DLEU7: variants seen among roughly 807,000 people sequenced by gnomAD.
The protein encoded by DLEU7 is deleted in lymphocytic leukemia 7.
In DLEU7, 17 loss-of-function variants were observed where a neutral mutation model predicts 16.0. The observed-to-expected ratio is 1.06, with a 90% CI of 0.73 to 1.59. The LOEUF is 1.59. Ranked by LOEUF, DLEU7 falls within the 40% of genes most tolerant of loss-of-function variation. The probability of loss-of-function intolerance (pLI) is 0.00; values close to 1 mark genes in which losing one functional copy is unlikely to be tolerated. For synonymous variants in DLEU7, 113 were observed against 139.8 expected (o/e 0.81, Z 1.35); for missense variants, 308 against 314.9 (o/e 0.98, Z 0.17).
chr13:50,750,337 G>GTCA (rs1215291430), intron 1 of DLEU7, among the ~76,000 whole-genome samples: 1 of 152,064 alleles, frequency 6.6e-6, no homozygotes, highest in Non-Finnish European at 1.5e-5. Context: ...GGTGACTATA[G>GTCA]CCTTATAGTA....
At chr13:50,747,114 G>A (rs1417236044) in intron 1 of DLEU7, among the ~76,000 whole-genome samples, 1 of 152,034 alleles carries the variant, frequency 6.6e-6, no homozygotes, top group African/African-American at 2.4e-5. Flanking sequence ...ATTTCTGAAT[G>A]GGTTAGAATT....
At chr13:50,836,281 A>G (rs1032951080) in intron 1 of DLEU7, among the ~76,000 whole-genome samples, 5 of 152,266 alleles carry the variant, frequency 3.3e-5, no homozygotes, top group African/African-American at 1.2e-4. Context: ...GAGAGCACGA[A>G]GGAAAGAGAT....
At chr13:50,712,671 C>G (rs1444867461) in exon 2 of DLEU7, 3 of 152,794 alleles carry the variant, frequency 2.0e-5, no homozygotes, top group African/African-American at 7.2e-5. Flanking sequence ...TTGCCATTTC[C>G]TAATTGTGAA....
intron 1 of DLEU7, chr13:50,713,305 C>T: frequency 1.9e-6 from 3 of 1,550,104 alleles, no homozygotes; most frequent in South Asian, 1.2e-5. Context: ...ATTGATTCAA[C>T]AATTATTTAC....
intron 1 of DLEU7, among the ~76,000 whole-genome samples, chr13:50,728,208 C>T (rs2476616): frequency 3.3e-5 from 5 of 152,192 alleles, no homozygotes; most frequent in Admixed American, 6.5e-5. Flanking sequence ...GGGCTTTGGT[C>T]GGGGGTGGGA....
chr13:50,782,998 C>T (rs1427188447), intron 1 of DLEU7, among the ~76,000 whole-genome samples: 1 of 152,198 alleles, frequency 6.6e-6, no homozygotes, highest in Non-Finnish European at 1.5e-5. Flanking sequence ...TCTCCAGCAT[C>T]AAGGGAGCTT....
At chr13:50,747,932 C>T (rs897893016) in intron 1 of DLEU7, among the ~76,000 whole-genome samples, 2 of 152,170 alleles carry the variant, frequency 1.3e-5, no homozygotes, top group South Asian at 4.1e-4. Context: ...AACTGGCATG[C>T]TCAAAAGATG....
chr13:50,751,854 T>C (rs950382053), intron 1 of DLEU7, among the ~76,000 whole-genome samples: 1 of 152,184 alleles, frequency 6.6e-6, no homozygotes, highest in African/African-American at 2.4e-5. Context: ...TAATGGTCTA[T>C]CAATTTTATT....
chr13:50,815,262 C>T (rs56883996), intron 1 of DLEU7, among the ~76,000 whole-genome samples: 5,331 of 152,156 alleles, frequency 0.035, 310 homozygotes, highest in African/African-American at 0.12. Flanking sequence ...GATACGTAAT[C>T]ATTACTTACA....
chr13:50,745,743 G>A (rs564091315), intron 1 of DLEU7, among the ~76,000 whole-genome samples: 23 of 151,898 alleles, frequency 1.5e-4, no homozygotes, highest in Non-Finnish European at 3.1e-4. Context: ...CTCTTTTTTC[G>A]ATCCTCTTTG....
chr13:50,782,979 T>C (rs1875698752), intron 1 of DLEU7, among the ~76,000 whole-genome samples: 1 of 152,190 alleles, frequency 6.6e-6, no homozygotes, highest in African/African-American at 2.4e-5. Context: ...CTATTCTTCC[T>C]AAAAGTTTTC....
intron 1 of DLEU7, among the ~76,000 whole-genome samples, chr13:50,807,139 ATTG>A (rs960156767): frequency 1.6e-4 from 24 of 149,976 alleles, no homozygotes; most frequent in East Asian, 7.9e-4. Context: ...GAGAGTTTAG[ATTG>A]TTATCTTTAA....
At chr13:50,822,580 G>T (rs1223377572), downstream of DLEU7, 2 of 966,066 alleles carry the variant, frequency 2.1e-6, no homozygotes, top group East Asian at 2.3e-4. Context: ...TTTTTTTAAA[G>T]AATTTCCTAC....
Position 50,823,145 on chromosome 13 carries a change from T to C in DLEU7, c.*169A>G. 1 of 1,414,890 alleles carries C rather than the reference T, an allele frequency of 7.1e-7. No homozygotes were observed. Among genetic ancestry groups the C allele is most frequent in the Non-Finnish European group, 9.2e-7 (1 of 1,086,468 alleles). The allele number at this position is 1,414,890 out of a possible 1,614,324, so 87.6% of individuals were successfully genotyped here. On this transcript the variant is annotated 3_prime_UTR_variant, in exon 2 of 2. Coordinates refer to ENST00000504404, the MANE Select transcript of DLEU7 (RefSeq NM_001306135.2). ...CTTTAAAAAAATTTCATTAACATGCTATAATCCCGAAGGCTACAGATGCCA... is the reference window on the plus strand; with the variant it reads ...CTTTAAAAAAATTTCATTAACATGCCATAATCCCGAAGGCTACAGATGCCA...
chr13:50,728,286 T>C (rs1873821803), intron 1 of DLEU7, among the ~76,000 whole-genome samples: 1 of 152,174 alleles, frequency 6.6e-6, no homozygotes, highest in African/African-American at 2.4e-5. Flanking sequence ...ATAAGAAATA[T>C]AATAGACTAA....
chr13:50,717,829 G>A (rs1873482886), intron 1 of DLEU7, among the ~76,000 whole-genome samples: 1 of 152,106 alleles, frequency 6.6e-6, no homozygotes, highest in Non-Finnish European at 1.5e-5. Context: ...CTGCTATTCT[G>A]TTATAAAGCA....
chr13:50,785,000 AG>A (rs1478798670), intron 1 of DLEU7, among the ~76,000 whole-genome samples: 1 of 152,162 alleles, frequency 6.6e-6, no homozygotes, highest in Non-Finnish European at 1.5e-5. Context: ...TGCTTATATA[AG>A]GAGAAGAGAC....
intron 1 of DLEU7, among the ~76,000 whole-genome samples, chr13:50,811,633 T>C (rs1876570630): frequency 6.6e-6 from 1 of 152,108 alleles, no homozygotes; most frequent in African/African-American, 2.4e-5. Context: ...TTGCCAGCCT[T>C]CCAGCACTAG....
At chr13:50,713,599 A>G (rs2137698952) in intron 1 of DLEU7, among the ~76,000 whole-genome samples, 1 of 152,318 alleles carries the variant, frequency 6.6e-6, no homozygotes, top group East Asian at 1.9e-4. Context: ...CCTTCACTCT[A>G]TGGAAAAAGT....
Sources: allele counts gnomAD v4.1 joint callset (sites outside exome capture counted in the v4.1 genomes callset), GRCh38; gene constraint gnomAD v4.1.1; transcripts MANE v1.5; gene names NCBI Gene and HGNC (gene_info 2026-07-23, HGNC 2026-07-21).